The following CACHD1 variants were observed in gnomAD, a reference collection of about 807,000 sequenced individuals.
The protein encoded by CACHD1 is VWFA and cache domain-containing protein 1.
CACHD1 carries 71 observed loss-of-function variants against 138.7 expected under a neutral mutation model. That is an observed-to-expected ratio of 0.51 (90% CI 0.42 to 0.62). The LOEUF is 0.62. CACHD1 is among the 20% of genes least tolerant of loss of function. The pLI is 0.00. For synonymous variants in CACHD1, 578 were observed against 591.5 expected, an observed-to-expected ratio of 0.98 and a Z score of 0.33; for missense variants, 1,389 against 1,625.3, an observed-to-expected ratio of 0.85 and a Z score of 2.50.
chr1:64,594,115 A>G (rs1025452486), intron 3 of CACHD1, among the ~76,000 whole-genome samples: 1 of 152,124 alleles, frequency 6.6e-6, no homozygotes, highest in Non-Finnish European at 1.5e-5. Flanking sequence ...TTAGCTGCGC[A>G]TGATGGTGGG....
intron 26 of CACHD1, among the ~76,000 whole-genome samples, chr1:64,685,911 G>A (rs1275466035): frequency 6.6e-6 from 1 of 152,092 alleles, no homozygotes; most frequent in East Asian, 1.9e-4. Flanking sequence ...AATGACATAT[G>A]ATAGGCACGG....
intron 21 of CACHD1, 31 bp downstream of exon 21, chr1:64,676,014 ATAATAATAATAATAATAATAATAATAC>A: frequency 2.3e-6 from 1 of 436,160 alleles, no homozygotes; most frequent in African/African-American, 4.1e-5. Flanking sequence ...AATAATAATA[ATAATAATAATAATAATAATAATAATAC>A]ATATGTAATA....
chr1:64,640,442 A>G (rs1386123873), intron 7 of CACHD1, among the ~76,000 whole-genome samples: 2 of 152,182 alleles, frequency 1.3e-5, no homozygotes, highest in East Asian at 3.9e-4. Flanking sequence ...TTGGGAGGCC[A>G]AGGCGGGCAG....
rs1646579847 is a variant in CACHD1, at chr1:64,530,937, T to TG, written c.199-19657_199-19656insG. ...CATTCCATCGTGTTTTTTTTTGTTTTTTTTTTTTTTAGAAGGAAGAATGAA... is the reference window on the plus strand; with the variant it reads ...CATTCCATCGTGTTTTTTTTTGTTTTGTTTTTTTTTTAGAAGGAAGAATGAA... On this transcript the variant is annotated intron_variant, in intron 1 of 26. Transcript: ENST00000651257. Among the ~76,000 whole-genome samples the TG allele has an allele frequency of 4.0e-5, 6 of 149,068 alleles. No homozygotes were observed. The South Asian group carries it at 1.0e-3, about 26-fold the overall frequency.
At chr1:64,581,147 G>A (rs921446918) in intron 2 of CACHD1, among the ~76,000 whole-genome samples, 3 of 152,156 alleles carry the variant, frequency 2.0e-5, no homozygotes, top group Non-Finnish European at 2.9e-5. Flanking sequence ...TTGAGACCCT[G>A]AAAGCTATAG....
chr1:64,684,042 G>A (rs1377284581), intron 26 of CACHD1, among the ~76,000 whole-genome samples: 1 of 152,186 alleles, frequency 6.6e-6, no homozygotes, highest in Non-Finnish European at 1.5e-5. Context: ...ATATACTACA[G>A]GGGTCCCATG....
chr1:64,682,660 T>G (rs1557556558), intron 26 of CACHD1, among the ~76,000 whole-genome samples: 1 of 152,104 alleles, frequency 6.6e-6, no homozygotes, highest in Non-Finnish European at 1.5e-5. Context: ...TAAGTGCCTG[T>G]AAGATGCTCA....
intron 25 of CACHD1, 42 bp downstream of exon 25, chr1:64,681,377 G>A: frequency 7.0e-7 from 1 of 1,436,306 alleles, no homozygotes; most frequent in Non-Finnish European, 9.8e-7. Context: ...GTCAGCAGGA[G>A]GCTAATCCAG....
intron 1 of CACHD1, among the ~76,000 whole-genome samples, chr1:64,519,475 G>C (rs1361562198): frequency 6.6e-6 from 1 of 152,196 alleles, no homozygotes; most frequent in African/African-American, 2.4e-5. Context: ...GACTGACTTA[G>C]TAATAGGGAA....
At chr1:64,513,617 G>T (rs191084874) in intron 1 of CACHD1, among the ~76,000 whole-genome samples, 11 of 152,308 alleles carry the variant, frequency 7.2e-5, no homozygotes, top group African/African-American at 1.9e-4. Context: ...GTTGCATCTT[G>T]CCAGGAATGG....
At chr1:64,607,582 A>G (rs1647380833) in intron 4 of CACHD1, among the ~76,000 whole-genome samples, 1 of 152,218 alleles carries the variant, frequency 6.6e-6, no homozygotes, top group Non-Finnish European at 1.5e-5. Context: ...TACTCAGTTT[A>G]TGTGCCAAAG....
chr1:64,500,180 T>G (rs1646330234), intron 1 of CACHD1, among the ~76,000 whole-genome samples: 2 of 152,198 alleles, frequency 1.3e-5, no homozygotes, highest in African/African-American at 4.8e-5. Context: ...TGACACAGGT[T>G]ACTTCTGATC....
At chr1:64,524,137 T>C (rs1464521094) in intron 1 of CACHD1, among the ~76,000 whole-genome samples, 1 of 152,234 alleles carries the variant, frequency 6.6e-6, no homozygotes, top group Non-Finnish European at 1.5e-5. Context: ...CTTTGTGATG[T>C]AAATGGTGCC....
At chr1:64,572,719 C>T (rs147388664) in intron 2 of CACHD1, among the ~76,000 whole-genome samples, 39 of 152,292 alleles carry the variant, frequency 2.6e-4, no homozygotes, top group African/African-American at 7.9e-4. Flanking sequence ...CCCAGCTCAG[C>T]ACAGGGGCCC....
At chr1:64,478,282 C>G (rs570528017) in intron 1 of CACHD1, among the ~76,000 whole-genome samples, 1 of 152,234 alleles carries the variant, frequency 6.6e-6, no homozygotes, top group African/African-American at 2.4e-5. Context: ...CTGTCTGGCC[C>G]TTGATTTCAT....
At chr1:64,560,220 A>T (rs10889487) in intron 2 of CACHD1, among the ~76,000 whole-genome samples, 123,234 of 151,632 alleles carry the variant, frequency 0.81, 52,100 homozygotes, top group South Asian at 0.94. Flanking sequence ...GTTTTCTATT[A>T]CACAGATTTA....
Position 64,681,999 on chromosome 1 carries a change from C to T in CACHD1, c.3485-6C>T, listed in dbSNP as rs1650206989. 6.2e-7 allele frequency: 1 copy of T among 1,613,696 alleles called. No individual in the cohort carries two copies. ...AGTGACATTAACTGTCCTTGGCTTC[C>T]TACAGTCAGCAACACTCGGTTTATA... On this transcript the variant is annotated splice_region_variant and splice_polypyrimidine_tract_variant and intron_variant, in intron 25 of 26. Coordinates refer to ENST00000651257, the MANE Select transcript of CACHD1 (RefSeq NM_020925.4).
intron 1 of CACHD1, among the ~76,000 whole-genome samples, chr1:64,514,294 T>C (rs1414777827): frequency 6.6e-6 from 1 of 152,224 alleles, no homozygotes; most frequent in African/African-American, 2.4e-5. Flanking sequence ...GAGTGATTTA[T>C]CACTTGTTGG....
In CACHD1 at chr1:64,643,664, A is replaced by G. The variant is rs536114256; in HGVS notation, c.1156+1695A>G. Among the ~76,000 whole-genome samples, 446 of 152,226 alleles carry G rather than the reference A, an allele frequency of 2.9e-3. 1 individual carries two copies. The highest frequency in any genetic ancestry group is 0.023 in the South Asian group (109 of 4,820). ...ATCCTGGCTAACACGGTGAAACCCC[A>G]TCTCTGCTAAAAATACAAAAAAAAT... is the stretch of plus-strand genomic sequence containing the variant. On this transcript the variant is annotated intron_variant, in intron 8 of 26. Coordinates refer to ENST00000651257, the MANE Select transcript of CACHD1 (RefSeq NM_020925.4).
Sources: allele counts gnomAD v4.1 joint callset (sites outside exome capture counted in the v4.1 genomes callset), GRCh38; gene constraint gnomAD v4.1.1; transcripts MANE v1.5; gene names NCBI Gene and HGNC (gene_info 2026-07-23, HGNC 2026-07-21).